The following NTN1 variants were observed in gnomAD, a reference collection of about 807,000 sequenced individuals.
NTN1 encodes netrin 1.
Under a neutral mutation model 54.2 loss-of-function variants are expected in NTN1, and 11 were observed. The ratio of observed to expected loss-of-function variants is 0.20; its 90% CI spans 0.13 to 0.34. NTN1 has a LOEUF of 0.34. Ranked by LOEUF, NTN1 falls within the 10% of genes least tolerant of loss-of-function variation. The probability of loss-of-function intolerance (pLI) is 1.00; values close to 1 mark genes in which losing one functional copy is unlikely to be tolerated. For synonymous variants in NTN1, 371 were observed against 382.0 expected, an observed-to-expected ratio of 0.97 and a Z score of 0.33; for missense variants, 740 against 893.1, an observed-to-expected ratio of 0.83 and a Z score of 2.18.
chr17:9,130,204 G>A (rs1410353083), intron 2 of NTN1, among the ~76,000 whole-genome samples: 1 of 152,154 alleles, frequency 6.6e-6, no homozygotes, highest in African/African-American at 2.4e-5. Flanking sequence ...GGCAGATGGT[G>A]AAGGGAGCAG....
intron 5 of NTN1, among the ~76,000 whole-genome samples, chr17:9,201,914 G>A (rs955774017): frequency 2.6e-5 from 4 of 151,384 alleles, no homozygotes; most frequent in Non-Finnish European, 2.9e-5. Context: ...CGGGCCGGGC[G>A]TGGTGGCTCA....
chr17:9,098,712 G>A (rs1462847387), intron 2 of NTN1, among the ~76,000 whole-genome samples: 2 of 152,198 alleles, frequency 1.3e-5, no homozygotes, highest in African/African-American at 4.8e-5. Context: ...AGAGAGGTTA[G>A]TGAGATGCTG....
intron 2 of NTN1, among the ~76,000 whole-genome samples, chr17:9,136,692 C>A (rs188975347): frequency 4.3e-4 from 65 of 152,266 alleles, no homozygotes; most frequent in African/African-American, 1.5e-3. Flanking sequence ...TGTGTGTGTG[C>A]GCTTCATCCT....
chr17:9,065,789 A>G (rs773952859), intron 2 of NTN1, among the ~76,000 whole-genome samples: 3 of 152,244 alleles, frequency 2.0e-5, no homozygotes, highest in Non-Finnish European at 4.4e-5. Flanking sequence ...GGAAGTATGT[A>G]GAAACTTAAT....
intron 2 of NTN1, among the ~76,000 whole-genome samples, chr17:9,139,696 T>G (rs931133509): frequency 6.6e-6 from 1 of 152,176 alleles, no homozygotes; most frequent in Non-Finnish European, 1.5e-5. Context: ...CTATATGCAG[T>G]GCAATTTACA....
chr17:9,044,945 G>C (rs1369264194), intron 2 of NTN1, among the ~76,000 whole-genome samples: 4 of 152,132 alleles, frequency 2.6e-5, no homozygotes, highest in African/African-American at 9.7e-5. Context: ...AGGTTAATTT[G>C]TACAGATACA....
At chr17:9,183,619 G>C in intron 5 of NTN1, 1 of 248,734 alleles carries the variant, frequency 4.0e-6, no homozygotes, top group Non-Finnish European at 8.1e-6. Context: ...TACTAGACCT[G>C]CTGCTAGATC....
chr17:9,066,718 G>T (rs2092016135), intron 2 of NTN1, among the ~76,000 whole-genome samples: 1 of 151,868 alleles, frequency 6.6e-6, no homozygotes, highest in African/African-American at 2.4e-5. Flanking sequence ...GGCACGTTGT[G>T]GCCAGTTGCA....
At chr17:9,077,747 G>A (rs1452758115) in intron 2 of NTN1, among the ~76,000 whole-genome samples, 7 of 152,170 alleles carry the variant, frequency 4.6e-5, no homozygotes, top group Admixed American at 1.3e-4. Context: ...CAAAAGAAAT[G>A]TATAAACCAC....
At chr17:9,027,711 A>C (rs1048058449) in intron 2 of NTN1, among the ~76,000 whole-genome samples, 1 of 152,150 alleles carries the variant, frequency 6.6e-6, no homozygotes, top group African/African-American at 2.4e-5. Flanking sequence ...GTTGTATATA[A>C]GAAGTTTTCT....
At position 9,023,074 on chromosome 17, in the gene NTN1, A is replaced by G. The variant is rs1339624679; in HGVS notation, c.701A>G (p.Asn234Ser). The change falls in exon 2 of 7, where the codon AAC becomes AGC. Residue 234 changes from asparagine (N) to serine (S), a missense_variant. Asn to Ser is a conservative substitution (Grantham distance 46). Transcript: ENST00000173229. Reference sequence around the variant, plus strand: ...CGGCCCTCGGCGCACGACTTCGACAACTCGCCCGTGCTGCAGGACTGGGTC... The same window carrying G: ...CGGCCCTCGGCGCACGACTTCGACAGCTCGCCCGTGCTGCAGGACTGGGTC... ...DGRPSAHDFDNSPVLQDWVTA... is the reference protein window; with the variant it reads ...DGRPSAHDFDSSPVLQDWVTA... The G allele has an allele frequency of 1.3e-6, 2 of 1,575,258 alleles. No homozygotes were observed. Among genetic ancestry groups the G allele is most frequent in the East Asian group, 2.4e-5 (1 of 42,532 alleles).
chr17:9,094,777 T>G (rs1162474023), intron 2 of NTN1, among the ~76,000 whole-genome samples: 1 of 151,784 alleles, frequency 6.6e-6, no homozygotes, highest in Admixed American at 6.6e-5. Flanking sequence ...GATCACGAGG[T>G]CAGGAGTTTG....
intron 2 of NTN1, among the ~76,000 whole-genome samples, chr17:9,127,073 G>T (rs2092249706): frequency 6.7e-6 from 1 of 150,188 alleles, no homozygotes. Flanking sequence ...GGTAGGGCCG[G>T]GGGGGGGCAG....
chr17:9,106,472 CCTT>C (rs1567711901), intron 2 of NTN1, among the ~76,000 whole-genome samples: 501 of 16,796 alleles, frequency 0.03, 9 homozygotes, highest in African/African-American at 0.072. Flanking sequence ...TTCCTCCCTT[CCTT>C]CCTTCCTTCC....
At chr17:9,144,916 GGA>G (rs767544629) in intron 2 of NTN1, among the ~76,000 whole-genome samples, 35 of 152,260 alleles carry the variant, frequency 2.3e-4, no homozygotes, top group Non-Finnish European at 3.8e-4. Flanking sequence ...AGGACCCCCT[GGA>G]GAGGCACACT....
At chr17:9,077,264 T>C (rs972665585) in intron 2 of NTN1, among the ~76,000 whole-genome samples, 3 of 152,092 alleles carry the variant, frequency 2.0e-5, no homozygotes, top group African/African-American at 7.2e-5. Context: ...GTGATGTAGA[T>C]TTTGGCCAGG....
chr17:9,200,286 C>T (rs150962380), intron 5 of NTN1, among the ~76,000 whole-genome samples: 1 of 152,330 alleles, frequency 6.6e-6, no homozygotes, highest in East Asian at 1.9e-4. Context: ...ATCCCCTGTT[C>T]ACTGGGAGAG....
At chr17:9,198,357 A>G (rs1441142042) in intron 5 of NTN1, among the ~76,000 whole-genome samples, 3 of 152,224 alleles carry the variant, frequency 2.0e-5, no homozygotes, top group Admixed American at 1.3e-4. Context: ...AAGGGCACCT[A>G]TAACCTCCCG....
chr17:9,140,317 C>T (rs1004880390), intron 2 of NTN1, among the ~76,000 whole-genome samples: 5 of 152,228 alleles, frequency 3.3e-5, no homozygotes, highest in African/African-American at 1.2e-4. Context: ...AGTGCAGTCT[C>T]TGCACCCCCT....
Sources: allele counts gnomAD v4.1 joint callset (sites outside exome capture counted in the v4.1 genomes callset), GRCh38; gene constraint gnomAD v4.1.1; transcripts MANE v1.5; gene names NCBI Gene and HGNC (gene_info 2026-07-23, HGNC 2026-07-21).